CYP4B1: variants seen among roughly 807,000 people sequenced by gnomAD.
The protein encoded by CYP4B1 is cytochrome P450 4B1.
In CYP4B1, 45 loss-of-function variants were observed where a neutral mutation model predicts 54.0. That is an observed-to-expected ratio of 0.83 (90% CI 0.66 to 1.07). The LOEUF is 1.07. Ranked by LOEUF, CYP4B1 falls within the 50% of genes least tolerant of loss-of-function variation. The pLI is 0.00. For missense variants in CYP4B1, 656 were observed against 655.4 expected (o/e 1.00, Z -0.01); for synonymous variants, 248 against 247.5 (o/e 1.00, Z -0.02).
Position 46,813,979 on chromosome 1 carries a change from C to T in CYP4B1, c.691C>T (p.Gln231Ter). 1 of 1,614,184 alleles carries T rather than the reference C, an allele frequency of 6.2e-7. No homozygotes were observed. Among genetic ancestry groups the T allele is most frequent in the South Asian group, 1.1e-5 (1 of 91,082 alleles). Residue 231 changes from glutamine (Q) to a stop codon, truncating the protein, a stop_gained, in exon 6 of 12, where the codon CAG (glutamine) becomes TAG (stop). Transcript: ENST00000371923. LOFTEE classifies it high-confidence loss of function. ...LLMQQRLVSF[Q>*]YHNDFIYWLT... ...GATGCAGCAGCGCCTTGTGTCCTTC[C>T]AGTACCATAATGACTTCATCTACTG... is the stretch of plus-strand genomic sequence containing the variant.
intron 9 of CYP4B1, 135 bp downstream of exon 9, chr1:46,817,316 C>A: frequency 1.0e-6 from 1 of 993,920 alleles, no homozygotes; most frequent in South Asian, 1.7e-5. Context: ...GGTCTAAATC[C>A]CAGCCCCACA....
chr1:46,808,107 G>T (rs1678932592), intron 1 of CYP4B1, among the ~76,000 whole-genome samples: 1 of 152,020 alleles, frequency 6.6e-6, no homozygotes, highest in South Asian at 2.1e-4. Flanking sequence ...GACATCACAT[G>T]GCAAGAGAGG....
chr1:46,817,474 T>C, intron 9 of CYP4B1: 1 of 478,132 alleles, frequency 2.1e-6, no homozygotes. Context: ...GGTCATGCCC[T>C]GAACAGCACC....
chr1:46,811,104 C>T (rs760776404), intron 2 of CYP4B1, 36 bp from the exon 3 acceptor site: 171 of 1,612,938 alleles, frequency 1.1e-4, no homozygotes, highest in Admixed American at 4.7e-4. Flanking sequence ...CTAGGAACCC[C>T]GGGTCCCTGC....
At chr1:46,813,864 C>T (rs1679214995) in intron 5 of CYP4B1, 45 bp from the exon 6 acceptor site, 1 of 1,604,576 alleles carries the variant, frequency 6.2e-7, no homozygotes, top group East Asian at 2.2e-5. Flanking sequence ...GGCTCTGCTC[C>T]TGGGCCAGTG....
Position 46,799,174 on chromosome 1 carries a change from C to T in CYP4B1, c.93C>T (p.His31=), listed in dbSNP as rs766522522. The part of the protein sequence containing the change: ...ILVLGFLKLI[H]LLLRRQTLAK... ...TCTTAGGCTTTCTCAAGCTCATCCA[C>T]CTGCTGCTGCGGAGGCAGACGTTGG... Residue 31 remains histidine, a synonymous_variant, in exon 1 of 12, where the codon CAC becomes CAT. Coordinates refer to ENST00000371923, the MANE Select transcript of CYP4B1 (RefSeq NM_001099772.2). The T allele has an allele frequency of 6.8e-6, 11 of 1,612,578 alleles. No individual in the cohort carries two copies. The highest frequency in any genetic ancestry group is 1.3e-5 in the African/African-American group (1 of 74,910).
At position 46,799,274 on chromosome 1, in the gene CYP4B1, C is replaced by A; in HGVS notation, c.180+13C>A. 1 of 1,571,184 alleles carries A rather than the reference C, an allele frequency of 6.4e-7. No homozygotes were observed. Among genetic ancestry groups the A allele is most frequent in the Non-Finnish European group, 8.6e-7 (1 of 1,157,188 alleles). On this transcript the variant is annotated intron_variant, in intron 1 of 11. Transcript: ENST00000371923. The stretch of plus-strand genomic sequence containing the variant: ...ACATGCCCTCGAGGTATGTGGAGGT[C>A]GGGAGGGTGGGGGAGAAAGAAAACA...
intron 8 of CYP4B1, among the ~76,000 whole-genome samples, chr1:46,816,183 G>A (rs896820095): frequency 4.6e-5 from 7 of 152,186 alleles, no homozygotes; most frequent in African/African-American, 1.4e-4. Flanking sequence ...CATGCTGCTC[G>A]TGGGGAGTTT....
At chr1:46,812,778 C>T (rs1057116702) in intron 4 of CYP4B1, among the ~76,000 whole-genome samples, 155 bp downstream of exon 4, 1 of 152,114 alleles carries the variant, frequency 6.6e-6, no homozygotes, top group African/African-American at 2.4e-5. Context: ...GTGCCAAAGC[C>T]CTGCTCTACT....
Position 46,814,039 on chromosome 1 carries a change from TG to T in CYP4B1, c.752del (p.Cys251SerfsTer100). 6.2e-7 allele frequency: 1 copy of T among 1,614,140 alleles called. No individual in the cohort carries two copies. Among genetic ancestry groups the T allele is most frequent in the African/African-American group, 1.3e-5 (1 of 75,066 alleles). On this transcript the variant is annotated frameshift_variant, in exon 6 of 12. Transcript: ENST00000371923. LOFTEE classifies it high-confidence loss of function. ...TPHGRRFLRA[C>X]QVAHDHTDQV... The stretch of plus-strand genomic sequence containing the variant: ...ACATGGCCGCCGCTTCCTGCGGGCC[TG>T]CCAGGTGGCCCATGACCATACAGGT...
intron 1 of CYP4B1, among the ~76,000 whole-genome samples, chr1:46,801,235 A>G (rs561294889): frequency 6.6e-6 from 1 of 152,330 alleles, no homozygotes; most frequent in South Asian, 2.1e-4. Context: ...TAAGTACACA[A>G]GAGGGCCAAG....
intron 8 of CYP4B1, among the ~76,000 whole-genome samples, chr1:46,816,581 G>GACACAC (rs3066413): frequency 1.5e-4 from 22 of 146,702 alleles, no homozygotes; most frequent in African/African-American, 4.3e-4. Flanking sequence ...AAAGGGAAAA[G>GACACAC]ACACACACAC....
chr1:46,812,368 T>C, intron 3 of CYP4B1, 128 bp from the exon 4 acceptor site: 1 of 1,074,082 alleles, frequency 9.3e-7, no homozygotes. Context: ...TGGAGGGCAA[T>C]ACTGGGTCGC....
intron 8 of CYP4B1, 91 bp from the exon 9 acceptor site, chr1:46,816,957 G>A: frequency 6.9e-7 from 1 of 1,458,068 alleles, no homozygotes. Context: ...GTGTGGTGGT[G>A]GTGAGGGAGG....
At chr1:46,812,306 A>G (rs1445937877) in intron 3 of CYP4B1, 190 bp from the exon 4 acceptor site, 2 of 711,960 alleles carry the variant, frequency 2.8e-6, no homozygotes, top group Admixed American at 4.0e-5. Flanking sequence ...TCACTCAGCC[A>G]AGAACTGCTG....
intron 1 of CYP4B1, among the ~76,000 whole-genome samples, chr1:46,805,319 G>A (rs1368157218): frequency 6.6e-6 from 1 of 152,222 alleles, no homozygotes; most frequent in Non-Finnish European, 1.5e-5. Context: ...GGGATGTTGG[G>A]GGCAGAGCAC....
At chr1:46,804,411 G>A (rs1032492769) in intron 1 of CYP4B1, among the ~76,000 whole-genome samples, 1 of 152,032 alleles carries the variant, frequency 6.6e-6, no homozygotes, top group African/African-American at 2.4e-5. Context: ...CTGAACAAAG[G>A]GAGGTTTGGT....
Position 46,818,696 on chromosome 1 carries a change from G to T in CYP4B1, c.1421G>T (p.Arg474Leu), listed in dbSNP as rs143680556. 7 of 1,614,042 alleles carry T rather than the reference G, an allele frequency of 4.3e-6. No homozygotes were observed. Among genetic ancestry groups the T allele is most frequent in the Middle Eastern group, 1.6e-4 (1 of 6,082 alleles). ...MKVVTAMCLL[R>L]FEFSLDPSRL... is the part of the protein sequence containing the mutation. ...GTGGTCACAGCCATGTGCTTGCTCC[G>T]CTTTGAGTTCTCTCTGGACCCCTCA... Residue 474 changes from arginine to leucine, a missense_variant, in exon 12 of 12, where the codon CGC (arginine) becomes CTC (leucine). By Grantham distance (102) the Arg-to-Leu change is moderately radical. Transcript: ENST00000371923.
chr1:46,817,818 G>C (rs959970791), intron 9 of CYP4B1, 147 bp from the exon 10 acceptor site: 1 of 709,166 alleles, frequency 1.4e-6, no homozygotes. Context: ...TGATGAGTCG[G>C]ATGTGGTCAT....
Sources: gnomAD v4.1 joint callset for allele counts (sites outside exome capture counted in the v4.1 genomes callset) on GRCh38, gnomAD v4.1.1 for gene constraint, MANE v1.5 for transcripts, NCBI Gene and HGNC (gene_info 2026-07-23, HGNC 2026-07-21) for gene names.